RSPO2: variants seen among roughly 807,000 people sequenced by gnomAD.
RSPO2 encodes the protein R-spondin-2.
RSPO2 carries 14 observed loss-of-function variants against 30.9 expected under a neutral mutation model. The ratio of observed to expected loss-of-function variants is 0.45; its 90% CI spans 0.30 to 0.71. RSPO2 has a LOEUF of 0.71. RSPO2 is among the 30% of genes least tolerant of loss of function. The pLI, the probability that RSPO2 is intolerant of heterozygous loss-of-function variation, is 0.08. For missense variants in RSPO2, 264 were observed against 301.9 expected, an observed-to-expected ratio of 0.87 and a Z score of 0.93; for synonymous variants, 107 against 96.4, an observed-to-expected ratio of 1.11 and a Z score of -0.64.
rs752947067 is a variant in RSPO2, at chr8:107,960,718, C to T, written c.383G>A (p.Cys128Tyr). 3 of 1,613,630 alleles carry T rather than the reference C, an allele frequency of 1.9e-6. No individual in the cohort carries two copies. Among genetic ancestry groups the T allele is most frequent in the Admixed American group, 1.7e-5 (1 of 59,986 alleles). The change falls in exon 4 of 6, where the codon TGT becomes TAT. Residue 128 changes from cysteine to tyrosine, a missense_variant. Transcript: ENST00000276659. The stretch of plus-strand genomic sequence containing the variant: ...TTCTAATGGTGCAAAACCATCTGGA[C>T]ATTCATCAAAGCAACGGCCTCTATG... ...YLHRGRCFDE[C>Y]PDGFAPLEET...
At chr8:107,954,434 G>A (rs576546756) in intron 5 of RSPO2, among the ~76,000 whole-genome samples, 1 of 152,192 alleles carries the variant, frequency 6.6e-6, no homozygotes, top group Admixed American at 6.5e-5. Context: ...GTCCCAACAT[G>A]ATTTTCTTAA....
chr8:107,917,625 C>A (rs1276635526), intron 5 of RSPO2, among the ~76,000 whole-genome samples: 1 of 152,012 alleles, frequency 6.6e-6, no homozygotes, highest in East Asian at 1.9e-4. Context: ...CATGAGGTCC[C>A]CTGAAGTCTC....
rs1220009573 is a variant in RSPO2 at position 108,003,291 on chromosome 8, ATATATATATATATATATATATTTTTTTT to A, written c.95-14075_95-14048del. ...TGTGTGTGTGTGTATATATATATAT[ATATATATATATATATATATATTTTTTTT>A]TTTTTTTTTTTTTTTTTTAAGTAGA... On this transcript the variant is annotated intron_variant, in intron 2 of 5. Transcript: ENST00000276659. 5.5e-3 allele frequency among the ~76,000 whole-genome samples: 175 copies of A among 31,910 alleles called. 1 individual carries two copies. Among genetic ancestry groups the A allele is most frequent in the Middle Eastern group, 0.02 (1 of 50 alleles). 20.9% of individuals were successfully genotyped at this position (31,910 alleles called of 152,430 possible).
At chr8:107,953,332 T>A (rs1813314716) in intron 5 of RSPO2, among the ~76,000 whole-genome samples, 1 of 152,084 alleles carries the variant, frequency 6.6e-6, no homozygotes, top group Non-Finnish European at 1.5e-5. Context: ...GAAGCCACAT[T>A]TCCCCCCACT....
chr8:107,987,298 A>G (rs995638081), intron 3 of RSPO2, among the ~76,000 whole-genome samples: 1 of 151,690 alleles, frequency 6.6e-6, no homozygotes, highest in South Asian at 2.1e-4. Context: ...TTCCTCTCCA[A>G]TTCATCTCCC....
intron 5 of RSPO2, among the ~76,000 whole-genome samples, chr8:107,944,262 T>C (rs921378870): frequency 6.6e-6 from 1 of 152,160 alleles, no homozygotes; most frequent in Admixed American, 6.5e-5. Context: ...TAAGGAAAGA[T>C]AATAACTGCT....
rs556114701 is a variant in RSPO2 at position 108,077,175 on chromosome 8, C to A, written c.94+5370G>T. Among the ~76,000 whole-genome samples, 11 of 152,162 alleles carry A rather than the reference C, an allele frequency of 7.2e-5. No homozygotes were observed. The South Asian group carries it at 2.3e-3, about 32-fold the overall frequency. On this transcript the variant is annotated intron_variant, in intron 2 of 5. Transcript: ENST00000276659. The stretch of plus-strand genomic sequence containing the variant: ...TAATATTTTTCTTGTTTGTTAATTT[C>A]TTTAAAGAAAAGAAAATCTTTTTAT...
chr8:107,956,422 G>A (rs1813436575), intron 5 of RSPO2, among the ~76,000 whole-genome samples: 1 of 152,136 alleles, frequency 6.6e-6, no homozygotes, highest in Non-Finnish European at 1.5e-5. Flanking sequence ...TGATACATAA[G>A]CATTTGTTTT....
In RSPO2 at chr8:108,082,705, C is replaced by A. The variant is rs912115747; in HGVS notation, c.-67G>T. ...GAACTGGAGGGTTCGCCCAAAGAGC[C>A]GGCGCCGGCCGCGCTGCTGGGGAGG... On this transcript the variant is annotated 5_prime_UTR_variant, in exon 2 of 6. Coordinates refer to ENST00000276659, the MANE Select transcript of RSPO2 (RefSeq NM_178565.5). The A allele has an allele frequency of 1.2e-5, 16 of 1,369,782 alleles. No individual in the cohort carries two copies. Among genetic ancestry groups the A allele is most frequent in the East Asian group, 2.3e-5 (1 of 43,390 alleles). The allele number at this position is 1,369,782 out of a possible 1,614,324, so 84.9% of individuals were successfully genotyped here.
chr8:107,970,196 G>A (rs1813946985), intron 3 of RSPO2, among the ~76,000 whole-genome samples: 1 of 152,162 alleles, frequency 6.6e-6, no homozygotes. Context: ...CAGACAATAT[G>A]TAAATGATTC....
intron 2 of RSPO2, among the ~76,000 whole-genome samples, chr8:108,046,236 G>C (rs1811905150): frequency 6.6e-6 from 1 of 152,156 alleles, no homozygotes; most frequent in Admixed American, 6.6e-5. Flanking sequence ...AGTGTAATAA[G>C]ATTTCACAAA....
intron 2 of RSPO2, among the ~76,000 whole-genome samples, chr8:107,995,120 T>C (rs1440282928): frequency 2.0e-5 from 3 of 152,256 alleles, no homozygotes; most frequent in African/African-American, 7.2e-5. Context: ...GCCAGAAAGA[T>C]CTACTCTTCA....
chr8:107,999,495 C>T (rs1470561613), intron 2 of RSPO2, among the ~76,000 whole-genome samples: 2 of 152,130 alleles, frequency 1.3e-5, no homozygotes, highest in African/African-American at 4.8e-5. Context: ...AGCGCAGTGG[C>T]ACTATGTTGG....
intron 4 of RSPO2, among the ~76,000 whole-genome samples, chr8:107,959,250 G>A (rs1479983581): frequency 6.6e-6 from 1 of 152,302 alleles, no homozygotes; most frequent in East Asian, 1.9e-4. Flanking sequence ...CATTGGCGTT[G>A]TACATTACTA....
intron 5 of RSPO2, among the ~76,000 whole-genome samples, chr8:107,913,939 C>T (rs988556077): frequency 1.3e-5 from 2 of 152,078 alleles, no homozygotes; most frequent in African/African-American, 4.8e-5. Context: ...TCAGTATGTT[C>T]TTGTCAGTTT....
chr8:108,018,051 A>G (rs1001360156), intron 2 of RSPO2, among the ~76,000 whole-genome samples: 11 of 152,222 alleles, frequency 7.2e-5, no homozygotes, highest in Admixed American at 6.5e-4. Flanking sequence ...ATGTAGAAAG[A>G]AAATAAATTA....
chr8:108,023,931 G>A (rs1270713110), intron 2 of RSPO2, among the ~76,000 whole-genome samples: 1 of 152,114 alleles, frequency 6.6e-6, no homozygotes, highest in African/African-American at 2.4e-5. Context: ...AGAACCTCTA[G>A]TTAGAAGCCA....
intron 2 of RSPO2, among the ~76,000 whole-genome samples, chr8:108,048,194 C>T (rs912879176): frequency 6.6e-6 from 1 of 151,876 alleles, no homozygotes; most frequent in Non-Finnish European, 1.5e-5. Context: ...ACCTAGGATG[C>T]TATCCAATAA....
At position 108,052,878 on chromosome 8, in the gene RSPO2, G is replaced by A. The variant is rs28490539; in HGVS notation, c.94+29667C>T. Among the ~76,000 whole-genome samples the A allele has an allele frequency of 4.1e-3, 623 of 152,198 alleles. 5 individuals carry two copies. Among genetic ancestry groups the A allele is most frequent in the African/African-American group, 0.014 (591 of 41,524 alleles). ...GAAATATGAATTTTATTGGTAGAAC[G>A]GCTCTTGGGATCATATAGTCCAAAC... On this transcript the variant is annotated intron_variant, in intron 2 of 5. Transcript: ENST00000276659.
Sources: allele counts gnomAD v4.1 joint callset (sites outside exome capture counted in the v4.1 genomes callset), GRCh38; gene constraint gnomAD v4.1.1; transcripts MANE v1.5; gene names NCBI Gene and HGNC (gene_info 2026-07-23, HGNC 2026-07-21).